ATP2A2: variants seen among roughly 807,000 people sequenced by gnomAD.
The protein encoded by ATP2A2 is ATPase sarcoplasmic/endoplasmic reticulum Ca2+ transporting 2, also known as sarcoplasmic/endoplasmic reticulum calcium ATPase 2.
In ATP2A2, 14 loss-of-function variants were observed where a neutral mutation model predicts 109.3. That is an observed-to-expected ratio of 0.13 (90% CI 0.08 to 0.20). The LOEUF (loss-of-function observed/expected upper bound fraction) is 0.20, where lower values mean the gene tolerates loss of function less well. ATP2A2 is among the 10% of genes least tolerant of loss of function. The pLI, the probability that ATP2A2 is intolerant of heterozygous loss-of-function variation, is 1.00. For synonymous variants in ATP2A2, 506 were observed against 490.9 expected, an observed-to-expected ratio of 1.03 and a Z score of -0.41; for missense variants, 657 against 1,321.6, an observed-to-expected ratio of 0.50 and a Z score of 7.80.
chr12:110,289,812 C>T (rs1016207063), intron 3 of ATP2A2, among the ~76,000 whole-genome samples: 16 of 152,206 alleles, frequency 1.1e-4, no homozygotes, highest in Non-Finnish European at 4.4e-5. Context: ...TAAGTTTCCA[C>T]AAAAAGAGGT....
chr12:110,334,214 T>C, intron 11 of ATP2A2, 71 bp downstream of exon 11: 1 of 1,573,196 alleles, frequency 6.4e-7, no homozygotes, highest in Non-Finnish European at 8.7e-7. Context: ...GTGTCTGCAC[T>C]GTCCTACTCT....
intron 5 of ATP2A2, among the ~76,000 whole-genome samples, chr12:110,313,913 C>T (rs1293149904): frequency 6.6e-6 from 1 of 151,106 alleles, no homozygotes; most frequent in Non-Finnish European, 1.5e-5. Context: ...GGGGTTTCAC[C>T]ATGTTGGCCA....
intron 5 of ATP2A2, among the ~76,000 whole-genome samples, chr12:110,312,567 A>T (rs1207697903): frequency 6.6e-6 from 1 of 152,008 alleles, no homozygotes; most frequent in East Asian, 1.9e-4. Context: ...ACTGAAGTAC[A>T]GGCCGGGCAT....
rs1220744159 is a variant in ATP2A2, at chr12:110,281,288, T to TTTTCCTTCGCCGCAG, written c.-495_-481dup. On this transcript the variant is annotated 5_prime_UTR_variant, in exon 1 of 20. Coordinates refer to ENST00000539276, the MANE Select transcript of ATP2A2 (RefSeq NM_170665.4). ...CGGAGCCGTCCCCGACGCCACCTCC[T>TTTTCCTTCGCCGCAG]TTTCCTTCGCCGCAGTTTCCTCCGC... 2.0e-5 allele frequency: 3 copies of TTTTCCTTCGCCGCAG among 151,480 alleles called. No individual in the cohort carries two copies. The highest frequency in any genetic ancestry group is 2.9e-5 in the Non-Finnish European group (2 of 67,836). The allele number at this position is 151,480 out of a possible 1,614,324, so 9.4% of individuals were successfully genotyped here. A position where few individuals can be genotyped will look rare whatever the true frequency, so the allele number is the denominator to read the frequency against.
At chr12:110,329,042 A>G (rs1382554643) in intron 8 of ATP2A2, among the ~76,000 whole-genome samples, 1 of 152,162 alleles carries the variant, frequency 6.6e-6, no homozygotes, top group Admixed American at 6.5e-5. Context: ...TTCATTAGAG[A>G]TTGGTTCCAG....
At chr12:110,296,303 A>G (rs963938570) in intron 4 of ATP2A2, 3 of 381,858 alleles carry the variant, frequency 7.9e-6, no homozygotes, top group African/African-American at 6.2e-5. Context: ...TGGCAGGGGG[A>G]TTTGGCTAAA....
chr12:110,335,043 G>T, intron 11 of ATP2A2, among the ~76,000 whole-genome samples: 1 of 152,210 alleles, frequency 6.6e-6, no homozygotes, highest in East Asian at 1.9e-4. Context: ...GCCTTTTTCT[G>T]CCTGTCAGAG....
intron 11 of ATP2A2, 145 bp downstream of exon 11, chr12:110,334,288 T>A: frequency 2.0e-6 from 2 of 1,002,180 alleles, no homozygotes; most frequent in Non-Finnish European, 3.1e-6. Flanking sequence ...ATATTCACTC[T>A]CAGGTAAGAT....
At chr12:110,332,543 G>T (rs1374307630) in intron 8 of ATP2A2, 54 bp from the exon 9 acceptor site, 3 of 1,412,876 alleles carry the variant, frequency 2.1e-6, no homozygotes, top group Non-Finnish European at 3.0e-6. Context: ...GTTTATTTGT[G>T]TAGCATTTTT....
intron 5 of ATP2A2, among the ~76,000 whole-genome samples, chr12:110,316,026 A>G (rs1300055296): frequency 6.6e-6 from 1 of 152,140 alleles, no homozygotes; most frequent in African/African-American, 2.4e-5. Flanking sequence ...GGTGGAGGTT[A>G]CAGTGAGCCG....
intron 4 of ATP2A2, among the ~76,000 whole-genome samples, chr12:110,292,917 A>G (rs891306770): frequency 2.0e-5 from 3 of 152,178 alleles, no homozygotes; most frequent in Non-Finnish European, 4.4e-5. Flanking sequence ...TTTAAAAGCT[A>G]CATGTCATTT....
intron 4 of ATP2A2, among the ~76,000 whole-genome samples, chr12:110,294,370 T>C (rs988168347): frequency 6.6e-6 from 1 of 152,136 alleles, no homozygotes; most frequent in South Asian, 2.1e-4. Context: ...TCAAAAAAAT[T>C]ATATTTGGTC....
Position 110,339,275 on chromosome 12 carries a change from T to A in ATP2A2, c.1420-6T>A. ...CCAGTAGTATCCATATTTGTTCCCT[T>A]TGTAGGTCATTAAACAGCTGATGAA... On this transcript the variant is annotated splice_region_variant and splice_polypyrimidine_tract_variant and intron_variant, in intron 11 of 19. Transcript: ENST00000539276. This position sits in a 1 kb window ranked among gnomAD's most constrained non-coding sequence, Gnocchi z 4.4. 2 of 1,613,932 alleles carry A rather than the reference T, an allele frequency of 1.2e-6. No homozygotes were observed. The highest frequency in any genetic ancestry group is 1.7e-6 in the Non-Finnish European group (2 of 1,180,008).
chr12:110,299,429 A>G (rs1874313528), intron 5 of ATP2A2, among the ~76,000 whole-genome samples: 1 of 152,102 alleles, frequency 6.6e-6, no homozygotes, highest in African/African-American at 2.4e-5. Flanking sequence ...AATGAAGGAA[A>G]GATTTTTGAG....
In ATP2A2 at chr12:110,347,519, T is replaced by TA; in HGVS notation, c.*1050dup. The TA allele has an allele frequency of 7.8e-7, 1 of 1,288,720 alleles. No homozygotes were observed. Among genetic ancestry groups the TA allele is most frequent in the Non-Finnish European group, 1.0e-6 (1 of 988,304 alleles). The allele number at this position is 1,288,720 out of a possible 1,614,324, so 79.8% of individuals were successfully genotyped here. On this transcript the variant is annotated 3_prime_UTR_variant, in exon 20 of 20. Transcript: ENST00000539276. ...TAATTGTCATCTGTGATGTACATTTTATGCAAGTTTCTGCTGGCCTGGTAT... is the reference window on the plus strand; with the variant it reads ...TAATTGTCATCTGTGATGTACATTTTAATGCAAGTTTCTGCTGGCCTGGTAT...
At chr12:110,293,871 T>TA (rs1491495436) in intron 4 of ATP2A2, among the ~76,000 whole-genome samples, 3,500 of 79,464 alleles carry the variant, frequency 0.044, 282 homozygotes, top group African/African-American at 0.096. Flanking sequence ...TGTGTATATA[T>TA]TTTTTTTTTT....
Position 110,281,789 on chromosome 12 carries a change from C to T in ATP2A2, c.-1C>T. ...GCGAGGCCGGCCGGGCCCCCGAAGC[C>T]ATGGAGAACGCGCACACCAAGACGG... On this transcript the variant is annotated 5_prime_UTR_variant, in exon 1 of 20. Coordinates refer to ENST00000539276, the MANE Select transcript of ATP2A2 (RefSeq NM_170665.4). The T allele has an allele frequency of 6.6e-7, 1 of 1,512,902 alleles. No individual in the cohort carries two copies. Among genetic ancestry groups the T allele is most frequent in the Non-Finnish European group, 8.9e-7 (1 of 1,128,834 alleles). The allele number at this position is 1,512,902 out of a possible 1,614,324, so 93.7% of individuals were successfully genotyped here.
At chr12:110,336,915 A>G (rs1878891507) in intron 11 of ATP2A2, among the ~76,000 whole-genome samples, 1 of 152,176 alleles carries the variant, frequency 6.6e-6, no homozygotes, top group African/African-American at 2.4e-5. Context: ...GTGATCTATT[A>G]GTTGGTGTAA....
At chr12:110,288,447 C>G (rs1238147259) in intron 3 of ATP2A2, among the ~76,000 whole-genome samples, 1 of 151,670 alleles carries the variant, frequency 6.6e-6, no homozygotes, top group Non-Finnish European at 1.5e-5. Context: ...TCTTGTCAGC[C>G]AGGCTGGAGT....
Sources: gnomAD v4.1 joint callset for allele counts (sites outside exome capture counted in the v4.1 genomes callset) on GRCh38, gnomAD v4.1.1 for gene constraint, Gnocchi (gnomAD v3.1) non-coding constraint, MANE v1.5 for transcripts, NCBI Gene and HGNC (gene_info 2026-07-23, HGNC 2026-07-21) for gene names.